The following FAM167A variants were observed in gnomAD, a reference collection of about 807,000 sequenced individuals.
FAM167A encodes the protein protein FAM167A.
FAM167A carries 23 observed loss-of-function variants against 14.9 expected under a neutral mutation model. The observed-to-expected ratio is 1.55, with a 90% CI of 1.11 to 2.19. FAM167A has a LOEUF of 2.19. Ranked by LOEUF, FAM167A falls within the 30% of genes most tolerant of loss-of-function variation. The pLI is 0.00. For synonymous variants in FAM167A, 174 were observed against 117.7 expected (o/e 1.48, Z -3.10); for missense variants, 401 against 281.5 (o/e 1.42, Z -3.04).
intron 2 of FAM167A, among the ~76,000 whole-genome samples, chr8:11,427,537 G>A (rs1340297899): frequency 6.6e-6 from 1 of 152,186 alleles, no homozygotes; most frequent in Non-Finnish European, 1.5e-5. Flanking sequence ...GCCCTGAGAT[G>A]CCCTGTAGTT....
Position 11,422,388 on chromosome 8 carries a change from G to C in FAM167A, c.*1985C>G, listed in dbSNP as rs1804813861. 6.7e-6 allele frequency: 1 copy of C among 150,204 alleles called. No individual in the cohort carries two copies. The highest frequency in any genetic ancestry group is 1.5e-5 in the Non-Finnish European group (1 of 68,126). 9.3% of individuals were successfully genotyped at this position (150,204 alleles called of 1,614,324 possible). ...TGTGTGTGGGGGTGTGTGTGTGTGT[G>C]TGTGTGTGTGTGTGTGTAGGTCAGC... On this transcript the variant is annotated 3_prime_UTR_variant, in exon 3 of 3. Transcript: ENST00000284486.
intron 2 of FAM167A, chr8:11,435,168 C>T (rs911449128): frequency 1.1e-4 from 51 of 456,028 alleles, no homozygotes; most frequent in South Asian, 7.5e-4. Context: ...TGCCCTTGCC[C>T]CCACAGGGCA....
chr8:11,431,611 A>T (rs760056584), intron 2 of FAM167A, among the ~76,000 whole-genome samples: 1 of 152,142 alleles, frequency 6.6e-6, no homozygotes, highest in Non-Finnish European at 1.5e-5. Flanking sequence ...TTTGCCCAGG[A>T]CCTACCTGGT....
At chr8:11,436,283 C>T (rs1806006545) in intron 2 of FAM167A, among the ~76,000 whole-genome samples, 1 of 152,214 alleles carries the variant, frequency 6.6e-6, no homozygotes. Context: ...AGGGCCAGGC[C>T]CGCCACTAGG....
At chr8:11,437,165 C>A (rs1273436605) in intron 2 of FAM167A, among the ~76,000 whole-genome samples, 1 of 152,186 alleles carries the variant, frequency 6.6e-6, no homozygotes, top group Non-Finnish European at 1.5e-5. Flanking sequence ...TGAATCCAGA[C>A]CCACTGCAGG....
chr8:11,433,352 C>A (rs991138837), intron 2 of FAM167A, among the ~76,000 whole-genome samples: 1 of 152,194 alleles, frequency 6.6e-6, no homozygotes, highest in Admixed American at 6.5e-5. Context: ...CAAATCCTCC[C>A]CTTTCCAACA....
At chr8:11,440,969 TC>T (rs942279031) in intron 2 of FAM167A, among the ~76,000 whole-genome samples, 8 of 152,224 alleles carry the variant, frequency 5.3e-5, no homozygotes, top group Admixed American at 2.0e-4. Flanking sequence ...GTGTTTGTTC[TC>T]CAACGCTGAA....
At chr8:11,442,988 T>C (rs1219499020) in intron 2 of FAM167A, among the ~76,000 whole-genome samples, 1 of 152,180 alleles carries the variant, frequency 6.6e-6, no homozygotes, top group Non-Finnish European at 1.5e-5. Flanking sequence ...TTTTCGGGAT[T>C]CTGCAAAACA....
intron 2 of FAM167A, 110 bp downstream of exon 2, chr8:11,443,921 G>A: frequency 7.5e-7 from 1 of 1,334,854 alleles, no homozygotes; most frequent in Non-Finnish European, 1.0e-6. Context: ...TAGAGAGAGG[G>A]GAAGAAATAC....
At position 11,444,069 on chromosome 8, in the gene FAM167A, T is replaced by C. The variant is rs747220562; in HGVS notation, c.343A>G (p.Ser115Gly). Reference sequence around the variant, plus strand: ...AGCCAGGCTATAGCTTCATCGATGCTCTGAAAGCCTTCCAGCTTGCCAGTG... The same window carrying C: ...AGCCAGGCTATAGCTTCATCGATGCCCTGAAAGCCTTCCAGCTTGCCAGTG... ...LSTGKLEGFQ[S>G]IDEAIAWLRK... Residue 115 changes from serine to glycine, a missense_variant, in exon 2 of 3, where the codon AGC (serine) becomes GGC (glycine). Coordinates refer to ENST00000284486, the MANE Select transcript of FAM167A (RefSeq NM_053279.3). 39 of 1,613,364 alleles carry C rather than the reference T, an allele frequency of 2.4e-5. No homozygotes were observed. In the South Asian group the frequency reaches 3.7e-4, roughly 15 times the overall value.
At chr8:11,453,566 G>C (rs1807111286) in intron 1 of FAM167A, among the ~76,000 whole-genome samples, 1 of 152,226 alleles carries the variant, frequency 6.6e-6, no homozygotes, top group Non-Finnish European at 1.5e-5. Flanking sequence ...GAAACCAGCA[G>C]ATGCACAGCT....
chr8:11,424,546 G>C lies in FAM167A; in HGVS notation c.472C>G (p.Arg158Gly), dbSNP rs200487180. The change falls in exon 3 of 3, where the codon CGC (arginine) becomes GGC (glycine). Residue 158 changes from arginine to glycine, a missense_variant. Arg to Gly is a moderately radical substitution (Grantham distance 125). Transcript: ENST00000284486. The stretch of plus-strand genomic sequence containing the variant: ...TCGTTGAGCATCCTCCTGTGGAGGC[G>C]GCAGGTGTGTTCGATTTTCAGCTTG... ...INKLKIEHTC[R>G]LHRRMLNDAT... 8.1e-6 allele frequency: 13 copies of C among 1,614,020 alleles called. No individual in the cohort carries two copies. Among genetic ancestry groups the C allele is most frequent in the Non-Finnish European group, 1.1e-5 (13 of 1,180,030 alleles).
chr8:11,429,860 C>CT (rs1207579712), intron 2 of FAM167A, among the ~76,000 whole-genome samples: 3 of 152,250 alleles, frequency 2.0e-5, no homozygotes, highest in African/African-American at 7.2e-5. Context: ...GATAAGGCCT[C>CT]TTCTCATCTC....
At chr8:11,456,577 G>T (rs1007547700) in intron 1 of FAM167A, among the ~76,000 whole-genome samples, 1 of 150,522 alleles carries the variant, frequency 6.6e-6, no homozygotes, top group African/African-American at 2.4e-5. Flanking sequence ...ATTGCTGGGT[G>T]GATGAGTGTG....
chr8:11,434,675 G>C (rs942010787), intron 2 of FAM167A, among the ~76,000 whole-genome samples: 6 of 152,184 alleles, frequency 3.9e-5, no homozygotes, highest in African/African-American at 1.4e-4. Flanking sequence ...CTTTGGGAAG[G>C]ACAGAGTGAT....
chr8:11,444,555 G>C lies in FAM167A; in HGVS notation c.-144C>G. On this transcript the variant is annotated 5_prime_UTR_variant, in exon 2 of 3. Coordinates refer to ENST00000284486, the MANE Select transcript of FAM167A (RefSeq NM_053279.3). Reference sequence around the variant, plus strand: ...TTCCGGGACAGGAGCCGGCCTCAGAGGCTGGGTGGCAGGGGAGCTGAGAGG... The same window carrying C: ...TTCCGGGACAGGAGCCGGCCTCAGACGCTGGGTGGCAGGGGAGCTGAGAGG... The C allele has an allele frequency of 1.4e-6, 2 of 1,462,230 alleles. No homozygotes were observed. Among genetic ancestry groups the C allele is most frequent in the Admixed American group, 2.7e-5 (1 of 37,196 alleles). 90.6% of individuals were successfully genotyped at this position (1,462,230 alleles called of 1,614,324 possible). A position where few individuals can be genotyped will look rare whatever the true frequency, so the allele number is the denominator to read the frequency against.
At chr8:11,471,757 C>A (rs1209220376), upstream of FAM167A, among the ~76,000 whole-genome samples, 4 of 152,220 alleles carry the variant, frequency 2.6e-5, no homozygotes, top group Non-Finnish European at 4.4e-5. Context: ...GAATCCACTC[C>A]CTCCTTTCCA....
chr8:11,473,280 T>C (rs1253398776), intron 1 of FAM167A, among the ~76,000 whole-genome samples: 5 of 152,082 alleles, frequency 3.3e-5, no homozygotes, highest in Admixed American at 3.3e-4. Context: ...TGATGAACAC[T>C]GGTGTGGGGG....
chr8:11,468,737 C>A (rs1485721836), upstream of FAM167A, among the ~76,000 whole-genome samples: 1 of 152,216 alleles, frequency 6.6e-6, no homozygotes, highest in African/African-American at 2.4e-5. Flanking sequence ...CCACCTCTAC[C>A]TCCTGGCTCC....
Sources: allele counts gnomAD v4.1 joint callset (sites outside exome capture counted in the v4.1 genomes callset), GRCh38; gene constraint gnomAD v4.1.1; transcripts MANE v1.5; gene names NCBI Gene and HGNC (gene_info 2026-07-23, HGNC 2026-07-21).